Variants in MED28 observed in about 807,000 individuals in gnomAD.
MED28 encodes the protein mediator complex subunit 28.
In MED28, 26 loss-of-function variants were observed where a neutral mutation model predicts 21.3. That is an observed-to-expected ratio of 1.22 (90% CI 0.89 to 1.69). MED28 has a LOEUF of 1.69. MED28 is among the 40% of genes most tolerant of loss of function. The pLI, the probability that MED28 is intolerant of heterozygous loss-of-function variation, is 0.00. For synonymous variants in MED28, 110 were observed against 87.6 expected (o/e 1.26, Z -1.43); for missense variants, 257 against 215.4 (o/e 1.19, Z -1.21).
At chr4:17,615,216 C>G (rs1484037188) in intron 1 of MED28, among the ~76,000 whole-genome samples, 1 of 152,140 alleles carries the variant, frequency 6.6e-6, no homozygotes, top group Non-Finnish European at 1.5e-5. Context: ...TTAAACGATC[C>G]TAAAGGGACT....
rs560958503 is a variant in MED28, at chr4:17,623,333, G to A, written c.340-268G>A. On this transcript the variant is annotated intron_variant, in intron 3 of 3. Coordinates refer to ENST00000237380, the MANE Select transcript of MED28 (RefSeq NM_025205.5). ...GGAGAATCACTTGAACCCGGGAGGT[G>A]GAGGCTGCACTGAGCCGAGACCGCA... Among the ~76,000 whole-genome samples the A allele has an allele frequency of 1.5e-4, 22 of 151,044 alleles. No individual in the cohort carries two copies. In the South Asian group the frequency reaches 2.7e-3, roughly 19 times the overall value.
intron 1 of MED28, among the ~76,000 whole-genome samples, chr4:17,615,868 G>A (rs866914992): frequency 2.2e-5 from 3 of 133,352 alleles, no homozygotes; most frequent in Admixed American, 1.4e-4. Flanking sequence ...CTTTTGTATT[G>A]TATCTAATAG....
chr4:17,624,058 G>T lies in MED28; in HGVS notation c.*260G>T. ...GCAAAGTTTAGACTGTGAATATGAT[G>T]ACACAGATTCTTTTTTATGGTGGCT... On this transcript the variant is annotated 3_prime_UTR_variant, in exon 4 of 4. Transcript: ENST00000237380. 2 of 446,038 alleles carry T rather than the reference G, an allele frequency of 4.5e-6. No homozygotes were observed. Among genetic ancestry groups the T allele is most frequent in the South Asian group, 3.3e-5 (1 of 30,632 alleles). The allele number at this position is 446,038 out of a possible 1,614,324, so 27.6% of individuals were successfully genotyped here.
chr4:17,623,462 A>G, intron 3 of MED28, 139 bp from the exon 4 acceptor site: 3 of 750,708 alleles, frequency 4.0e-6, no homozygotes, highest in Non-Finnish European at 6.6e-6. Context: ...TTAATCAAAT[A>G]GTGGAGCCAA....
At position 17,623,909 on chromosome 4, in the gene MED28, C is replaced by A; in HGVS notation, c.*111C>A. On this transcript the variant is annotated 3_prime_UTR_variant, in exon 4 of 4. Transcript: ENST00000237380. Reference sequence around the variant, plus strand: ...AGAACTCTTTGCCAGATAATGAGTTCATTTTAGTTTTATGCTCCCATTGAA... The same window carrying A: ...AGAACTCTTTGCCAGATAATGAGTTAATTTTAGTTTTATGCTCCCATTGAA... The A allele has an allele frequency of 7.9e-7, 1 of 1,271,884 alleles. No individual in the cohort carries two copies. The highest frequency in any genetic ancestry group is 1.1e-6 in the Non-Finnish European group (1 of 924,184). The allele number at this position is 1,271,884 out of a possible 1,614,324, so 78.8% of individuals were successfully genotyped here.
rs1714862423 is a variant in MED28 at position 17,629,505 on chromosome 4, TTACC to T, written c.*5712_*5715del. 1 of 152,224 alleles carries T rather than the reference TTACC, an allele frequency of 6.6e-6. No homozygotes were observed. Among genetic ancestry groups the T allele is most frequent in the Non-Finnish European group, 1.5e-5 (1 of 68,034 alleles). 9.4% of individuals were successfully genotyped at this position (152,224 alleles called of 1,614,324 possible). ...AGCCATTGACTGGGTGAATCCATTTTTACCTACCCCAATTACAAAACAGTTTGCT... is the reference window on the plus strand; with the variant it reads ...AGCCATTGACTGGGTGAATCCATTTTTACCCCAATTACAAAACAGTTTGCT... On this transcript the variant is annotated 3_prime_UTR_variant, in exon 4 of 4. Coordinates refer to ENST00000237380, the MANE Select transcript of MED28 (RefSeq NM_025205.5).
At chr4:17,623,534 A>C (rs907236576) in intron 3 of MED28, 67 bp from the exon 4 acceptor site, 7 of 1,494,778 alleles carry the variant, frequency 4.7e-6, no homozygotes, top group Admixed American at 3.4e-5. Flanking sequence ...TTAGCCTCTT[A>C]ACTAACCAGA....
intron 1 of MED28, among the ~76,000 whole-genome samples, chr4:17,615,130 T>C (rs1189476826): frequency 6.6e-6 from 1 of 152,238 alleles, no homozygotes; most frequent in African/African-American, 2.4e-5. Flanking sequence ...CCTGCATGTT[T>C]AGTAAGAGGC....
At chr4:17,622,371 T>C (rs1025353723) in intron 3 of MED28, among the ~76,000 whole-genome samples, 1 of 152,222 alleles carries the variant, frequency 6.6e-6, no homozygotes, top group Non-Finnish European at 1.5e-5. Flanking sequence ...AAAAGTCTCT[T>C]TTCATTCATG....
At chr4:17,618,548 G>A (rs963057119) in intron 1 of MED28, among the ~76,000 whole-genome samples, 48 of 151,742 alleles carry the variant, frequency 3.2e-4, no homozygotes, top group Middle Eastern at 3.4e-3. Context: ...ACAGATTCTC[G>A]CCCTGTCACC....
Position 17,627,134 on chromosome 4 carries a change from T to C in MED28, c.*3336T>C, listed in dbSNP as rs1714790076. 6.6e-6 allele frequency: 1 copy of C among 152,144 alleles called. No homozygotes were observed. The highest frequency in any genetic ancestry group is 2.1e-4 in the South Asian group (1 of 4,822). The allele number at this position is 152,144 out of a possible 1,614,324, so 9.4% of individuals were successfully genotyped here. On this transcript the variant is annotated 3_prime_UTR_variant, in exon 4 of 4. Coordinates refer to ENST00000237380, the MANE Select transcript of MED28 (RefSeq NM_025205.5). ...CCACTACACCCAGATAATTTTGTAT[T>C]TTTAGTAGAGATGGGGTTTCACCAT...
In MED28 at chr4:17,632,667, A is replaced by G. The variant is rs1472387460; in HGVS notation, c.*8869A>G. 3.7e-6 allele frequency: 5 copies of G among 1,363,944 alleles called. No individual in the cohort carries two copies. The highest frequency in any genetic ancestry group is 1.3e-5 in the South Asian group (1 of 79,366). The allele number at this position is 1,363,944 out of a possible 1,614,324, so 84.5% of individuals were successfully genotyped here. Reference sequence around the variant, plus strand: ...GTTTTTTTATATGGTTTTGAAAACTATGCAAGAAGCAGCTTAATACCCACC... The same window carrying G: ...GTTTTTTTATATGGTTTTGAAAACTGTGCAAGAAGCAGCTTAATACCCACC... On this transcript the variant is annotated 3_prime_UTR_variant, in exon 4 of 4. Transcript: ENST00000237380.
chr4:17,617,285 A>G (rs1714479369), intron 1 of MED28, among the ~76,000 whole-genome samples: 1 of 152,034 alleles, frequency 6.6e-6, no homozygotes, highest in African/African-American at 2.4e-5. Context: ...GTGGACCTCA[A>G]TTTTCACAGC....
rs1177285066 is a variant in MED28, at chr4:17,624,936, T to C, written c.*1138T>C. 6.6e-6 allele frequency: 1 copy of C among 152,142 alleles called. No homozygotes were observed. The highest frequency in any genetic ancestry group is 2.4e-5 in the African/African-American group (1 of 41,418). 9.4% of individuals were successfully genotyped at this position (152,142 alleles called of 1,614,324 possible). The stretch of plus-strand genomic sequence containing the variant: ...GTAAGGTTTTCTGAGTTTTATATCT[T>C]ATTAGATCACATCCCTTTACCCAGA... On this transcript the variant is annotated 3_prime_UTR_variant, in exon 4 of 4. Coordinates refer to ENST00000237380, the MANE Select transcript of MED28 (RefSeq NM_025205.5).
intron 1 of MED28, among the ~76,000 whole-genome samples, chr4:17,617,460 C>T (rs1714484897): frequency 6.6e-6 from 1 of 152,142 alleles, no homozygotes; most frequent in Admixed American, 6.6e-5. Flanking sequence ...CGTTGGAGAC[C>T]ATCTAGTTCC....
chr4:17,621,226 G>C (rs566748858), intron 2 of MED28, among the ~76,000 whole-genome samples: 1 of 151,888 alleles, frequency 6.6e-6, no homozygotes, highest in African/African-American at 2.4e-5. Context: ...GTTGGCCAGG[G>C]TGGTCTCAAT....
intron 1 of MED28, among the ~76,000 whole-genome samples, chr4:17,615,212 G>A (rs1473074974): frequency 6.6e-6 from 1 of 152,098 alleles, no homozygotes; most frequent in African/African-American, 2.4e-5. Flanking sequence ...ACCTTTAAAC[G>A]ATCCTAAAGG....
In MED28 at chr4:17,618,016, T is replaced by TTC. The variant is rs1553824529; in HGVS notation, c.160-1884_160-1883insCT. Among the ~76,000 whole-genome samples, 705 of 141,132 alleles carry TTC rather than the reference T, an allele frequency of 5.0e-3. 5 individuals are homozygous for TTC. The highest frequency in any genetic ancestry group is 0.019 in the African/African-American group (683 of 35,830). The allele number at this position is 141,132 out of a possible 152,430, so 92.6% of individuals were successfully genotyped here. A position where few individuals can be genotyped will look rare whatever the true frequency, so the allele number is the denominator to read the frequency against. ...TCTTTTTTTTTTCTTTTCTTTTCTT[T>TTC]TTTTTTTTTTTTTGAGACAGAGTCT... On this transcript the variant is annotated intron_variant, in intron 1 of 3. Transcript: ENST00000237380.
intron 1 of MED28, among the ~76,000 whole-genome samples, chr4:17,616,157 A>C (rs182117055): frequency 1.1e-4 from 16 of 152,192 alleles, no homozygotes; most frequent in Non-Finnish European, 1.9e-4. Context: ...GGGCTTCACT[A>C]TCTTGGCCAG....
Sources: gnomAD v4.1 joint callset for allele counts (sites outside exome capture counted in the v4.1 genomes callset) on GRCh38, gnomAD v4.1.1 for gene constraint, MANE v1.5 for transcripts, NCBI Gene and HGNC (gene_info 2026-07-23, HGNC 2026-07-21) for gene names.